INPP4B: variants seen among roughly 807,000 people sequenced by gnomAD.
INPP4B encodes the protein inositol polyphosphate-4-phosphatase type II B, also known as inositol polyphosphate 4-phosphatase type II.
In INPP4B, 55 loss-of-function variants were observed where a neutral mutation model predicts 122.5. That is an observed-to-expected ratio of 0.45 (90% CI 0.36 to 0.56). The LOEUF is 0.56. Ranked by LOEUF, INPP4B falls within the 20% of genes least tolerant of loss-of-function variation. The pLI, the probability that INPP4B is intolerant of heterozygous loss-of-function variation, is 0.00. For synonymous variants in INPP4B, 403 were observed against 388.7 expected (o/e 1.04, Z -0.43); for missense variants, 1,000 against 1,097.7 (o/e 0.91, Z 1.26).
At chr4:142,510,641 C>T (rs931401152) in intron 2 of INPP4B, among the ~76,000 whole-genome samples, 2 of 152,084 alleles carry the variant, frequency 1.3e-5, no homozygotes, top group African/African-American at 2.4e-5. Flanking sequence ...TCATCACCTA[C>T]GTATTGAGTA....
rs566758969 is a variant in INPP4B, at chr4:142,524,226, C to T, written c.-190-61500G>A. 1.2e-4 allele frequency among the ~76,000 whole-genome samples: 18 copies of T among 152,246 alleles called. No homozygotes were observed. The East Asian group carries it at 1.4e-3, about 11-fold the overall frequency. On this transcript the variant is annotated intron_variant, in intron 2 of 25. Transcript: ENST00000262992. Reference sequence around the variant, plus strand: ...TTTCTAGTTCTAGATCCTGAGGAATCGCCGCACCGACTTCCACAATGGTTG... The same window carrying T: ...TTTCTAGTTCTAGATCCTGAGGAATTGCCGCACCGACTTCCACAATGGTTG...
chr4:142,741,827 G>A (rs1767944721), intron 1 of INPP4B, among the ~76,000 whole-genome samples: 1 of 151,866 alleles, frequency 6.6e-6, no homozygotes, highest in Non-Finnish European at 1.5e-5. Context: ...AGAGAAGAGA[G>A]AATGGAGAGA....
intron 18 of INPP4B, among the ~76,000 whole-genome samples, chr4:142,130,204 A>G (rs1427681330): frequency 6.6e-6 from 1 of 152,230 alleles, no homozygotes; most frequent in Admixed American, 6.5e-5. Flanking sequence ...TGCAGGTAGT[A>G]GACACCCACA....
chr4:142,544,714 T>C (rs1179058877), intron 2 of INPP4B, among the ~76,000 whole-genome samples: 1 of 152,060 alleles, frequency 6.6e-6, no homozygotes, highest in Non-Finnish European at 1.5e-5. Context: ...AGGCTGACCA[T>C]ACTTGATTCC....
intron 14 of INPP4B, among the ~76,000 whole-genome samples, chr4:142,205,920 C>A (rs1181930631): frequency 5.3e-5 from 8 of 152,060 alleles, no homozygotes; most frequent in African/African-American, 1.7e-4. Context: ...ACTCAGTAAT[C>A]AAGGAAGAAC....
chr4:142,429,347 T>C (rs1808798039), intron 4 of INPP4B, 130 bp from the exon 5 acceptor site: 2 of 558,182 alleles, frequency 3.6e-6, no homozygotes, highest in African/African-American at 2.0e-5. Context: ...ATAAACTTGG[T>C]TTATCAGGGT....
intron 1 of INPP4B, among the ~76,000 whole-genome samples, chr4:142,810,005 A>T (rs536308692): frequency 1.3e-5 from 2 of 151,976 alleles, no homozygotes; most frequent in Admixed American, 6.6e-5. Context: ...CTTTGTCTGT[A>T]CTAAAAATAC....
At chr4:142,604,870 C>T (rs1214622319) in intron 2 of INPP4B, among the ~76,000 whole-genome samples, 1 of 151,942 alleles carries the variant, frequency 6.6e-6, no homozygotes, top group African/African-American at 2.4e-5. Flanking sequence ...AAAAACAATC[C>T]TAAACTTCAT....
At chr4:142,608,765 C>T (rs1370097592) in intron 2 of INPP4B, among the ~76,000 whole-genome samples, 1 of 152,158 alleles carries the variant, frequency 6.6e-6, no homozygotes, top group Admixed American at 6.6e-5. Flanking sequence ...TTGACAACTG[C>T]ATGCACAGCC....
At chr4:142,603,551 T>TG (rs1479368134) in intron 2 of INPP4B, among the ~76,000 whole-genome samples, 1 of 149,650 alleles carries the variant, frequency 6.7e-6, no homozygotes, top group East Asian at 2.0e-4. Flanking sequence ...ACCACAGAAA[T>TG]GAAAAAAAGA....
At chr4:142,465,573 G>A (rs367559777) in intron 2 of INPP4B, among the ~76,000 whole-genome samples, 101 of 152,264 alleles carry the variant, frequency 6.6e-4, no homozygotes, top group African/African-American at 2.4e-3. Flanking sequence ...CTCCTATTGT[G>A]CTTCCACTTT....
intron 21 of INPP4B, among the ~76,000 whole-genome samples, chr4:142,116,335 C>T (rs1346887522): frequency 6.6e-6 from 1 of 152,122 alleles, no homozygotes; most frequent in Non-Finnish European, 1.5e-5. Flanking sequence ...ACAGAACTCT[C>T]CACCCCAAAT....
chr4:142,089,528 T>C (rs1778498147), intron 23 of INPP4B, among the ~76,000 whole-genome samples: 1 of 150,948 alleles, frequency 6.6e-6, no homozygotes, highest in Admixed American at 6.6e-5. Context: ...GAGGAAGTAG[T>C]AATTAGTTTG....
At chr4:142,590,519 C>G (rs1232284337) in intron 2 of INPP4B, among the ~76,000 whole-genome samples, 3 of 151,846 alleles carry the variant, frequency 2.0e-5, no homozygotes, top group Non-Finnish European at 4.4e-5. Context: ...CATGTGTATG[C>G]CGAAATTGAA....
intron 10 of INPP4B, among the ~76,000 whole-genome samples, chr4:142,267,113 T>C (rs1033790446): frequency 2.6e-5 from 4 of 152,310 alleles, no homozygotes; most frequent in Non-Finnish European, 5.9e-5. Flanking sequence ...GAATTAATAC[T>C]GTTAAAATGT....
At chr4:142,630,881 A>T (rs1747789290) in intron 2 of INPP4B, among the ~76,000 whole-genome samples, 1 of 152,036 alleles carries the variant, frequency 6.6e-6, no homozygotes, top group Admixed American at 6.6e-5. Flanking sequence ...AAAAGTGAAC[A>T]TCTCTTTACT....
intron 22 of INPP4B, 41 bp downstream of exon 22, chr4:142,112,501 C>A (rs749168432): frequency 1.6e-5 from 25 of 1,607,666 alleles, no homozygotes; most frequent in Non-Finnish European, 1.8e-5. Context: ...TTAAAAGGAA[C>A]AAAGAAAAAT....
At chr4:142,523,919 G>A (rs1826458687) in intron 2 of INPP4B, among the ~76,000 whole-genome samples, 1 of 144,122 alleles carries the variant, frequency 6.9e-6, no homozygotes, top group Non-Finnish European at 1.5e-5. Context: ...TTGGTTTTTT[G>A]TTCTTGCGAT....
intron 9 of INPP4B, among the ~76,000 whole-genome samples, chr4:142,277,859 G>A (rs966224721): frequency 1.3e-5 from 2 of 151,948 alleles, no homozygotes; most frequent in Non-Finnish European, 2.9e-5. Flanking sequence ...GTTAAGCTAT[G>A]AGGACGCAAA....
Sources: gnomAD v4.1 joint callset for allele counts (sites outside exome capture counted in the v4.1 genomes callset) on GRCh38, gnomAD v4.1.1 for gene constraint, MANE v1.5 for transcripts, NCBI Gene and HGNC (gene_info 2026-07-23, HGNC 2026-07-21) for gene names.